The following PRSS23 variants were observed in gnomAD, a reference collection of about 807,000 sequenced individuals.
PRSS23 encodes the protein serine protease 23, also known as protease, serine 23.
PRSS23 carries 25 observed loss-of-function variants against 34.7 expected under a neutral mutation model. That is an observed-to-expected ratio of 0.72 (90% CI 0.53 to 1.01). The LOEUF (loss-of-function observed/expected upper bound fraction) is 1.01, where lower values mean the gene tolerates loss of function less well. Among genes scored for constraint, PRSS23 ranks in the 50% least tolerant of loss-of-function variants. PRSS23 has a pLI of 0.00. For synonymous variants in PRSS23, 176 were observed against 186.6 expected (o/e 0.94, Z 0.46); for missense variants, 445 against 475.6 (o/e 0.94, Z 0.60).
At chr11:86,933,148 C>G (rs1180938464) in intron 2 of PRSS23, 1 of 152,294 alleles carries the variant, frequency 6.6e-6, no homozygotes, top group Non-Finnish European at 1.5e-5. Context: ...CTGGCGGGCA[C>G]GCTGACCAAA....
intron 2 of PRSS23, among the ~76,000 whole-genome samples, chr11:86,847,386 C>G (rs561280566): frequency 2.0e-4 from 31 of 152,192 alleles, no homozygotes; most frequent in Non-Finnish European, 7.3e-5. Flanking sequence ...TCCAACAGTC[C>G]TTGTGCCCCA....
intron 2 of PRSS23, among the ~76,000 whole-genome samples, chr11:86,885,010 A>C (rs1220470088): frequency 6.6e-6 from 1 of 152,202 alleles, no homozygotes; most frequent in Non-Finnish European, 1.5e-5. Context: ...CAATTATTTT[A>C]TTATATTGTG....
At chr11:86,797,958 TA>T (rs1947992133), upstream of PRSS23, among the ~76,000 whole-genome samples, 9 of 152,348 alleles carry the variant, frequency 5.9e-5, no homozygotes, top group South Asian at 1.9e-3. Flanking sequence ...AGGCCACTCT[TA>T]ATTATGTTGC....
chr11:86,844,971 C>A (rs1239461429), intron 2 of PRSS23, among the ~76,000 whole-genome samples: 1 of 151,992 alleles, frequency 6.6e-6, no homozygotes, highest in Non-Finnish European at 1.5e-5. Flanking sequence ...TACCTGTTAC[C>A]CTAGCTACTC....
chr11:86,831,056 G>C (rs1310033033), intron 2 of PRSS23, among the ~76,000 whole-genome samples: 1 of 151,974 alleles, frequency 6.6e-6, no homozygotes, highest in African/African-American at 2.4e-5. Flanking sequence ...TAATGTCAAC[G>C]GGGTTTACAA....
chr11:86,818,473 A>T (rs1328473678), intron 1 of PRSS23, among the ~76,000 whole-genome samples: 2 of 152,222 alleles, frequency 1.3e-5, no homozygotes, highest in African/African-American at 4.8e-5. Context: ...CCATTTAGAA[A>T]GACCTTTCCT....
intron 2 of PRSS23, among the ~76,000 whole-genome samples, chr11:86,881,669 G>A (rs1948772907): frequency 6.6e-6 from 1 of 152,192 alleles, no homozygotes; most frequent in East Asian, 1.9e-4. Flanking sequence ...TGAAAAATTG[G>A]TGTTAATTCT....
At chr11:86,880,721 C>T (rs11601476) in intron 2 of PRSS23, among the ~76,000 whole-genome samples, 7,969 of 152,234 alleles carry the variant, frequency 0.052, 254 homozygotes, top group Non-Finnish European at 0.076. Context: ...GTTCAACTCC[C>T]ACTTATGAGT....
chr11:86,945,498 G>C (rs1349015714), intron 2 of PRSS23, among the ~76,000 whole-genome samples: 5 of 152,162 alleles, frequency 3.3e-5, no homozygotes, highest in South Asian at 2.1e-4. Flanking sequence ...GACTGTGGGG[G>C]TTTGCTGACG....
At position 86,901,106 on chromosome 11, in the gene PRSS23, G is replaced by GTCT. The variant is rs146393504; in HGVS notation, c.207-50107_207-50105dup. ...GGCTTATCATCTCTTTCTTAAAGAG[G>GTCT]TCTTCCCTGTCTCCCAATCCAAATT... is the stretch of plus-strand genomic sequence containing the variant. On this transcript the variant is annotated intron_variant, in intron 2 of 2. Transcript: ENST00000533902. Among the ~76,000 whole-genome samples, 1,032 of 151,972 alleles carry GTCT rather than the reference G, an allele frequency of 6.8e-3. 13 individuals are homozygous for GTCT. The highest frequency in any genetic ancestry group is 0.024 in the African/African-American group (1,001 of 41,414).
At chr11:86,820,616 C>T (rs909535061) in intron 1 of PRSS23, among the ~76,000 whole-genome samples, 16 of 152,118 alleles carry the variant, frequency 1.1e-4, no homozygotes, top group Non-Finnish European at 1.9e-4. Context: ...TAGATATACA[C>T]ATAATTATAT....
intron 2 of PRSS23, among the ~76,000 whole-genome samples, chr11:86,941,932 C>T (rs1405212467): frequency 6.6e-6 from 1 of 152,188 alleles, no homozygotes; most frequent in Non-Finnish European, 1.5e-5. Context: ...CCCCTCCTTC[C>T]TTACTCCATT....
chr11:86,799,755 C>G (rs1019905658), upstream of PRSS23, among the ~76,000 whole-genome samples: 1 of 151,860 alleles, frequency 6.6e-6, no homozygotes, highest in Admixed American at 6.6e-5. Context: ...GGGAAGTAGG[C>G]CCACTGGACA....
At chr11:86,862,304 A>C (rs951190774) in intron 2 of PRSS23, among the ~76,000 whole-genome samples, 3 of 151,906 alleles carry the variant, frequency 2.0e-5, no homozygotes, top group Non-Finnish European at 2.9e-5. Flanking sequence ...GCGGGTGTAC[A>C]TCCTGTGATA....
chr11:86,808,379 G>A lies in PRSS23; in HGVS notation c.736G>A (p.Asp246Asn), dbSNP rs1948133652. The A allele has an allele frequency of 6.2e-7, 1 of 1,614,088 alleles. No homozygotes were observed. The highest frequency in any genetic ancestry group is 8.5e-7 in the Non-Finnish European group (1 of 1,180,058). ...GNANDIGMDY[D>N]YALLELKKPH... ...TGCCAATGACATCGGCATGGATTAT[G>A]ATTATGCCCTCCTGGAACTCAAAAA... Residue 246 changes from aspartate to asparagine, a missense_variant, in exon 2 of 2, where the codon GAT (aspartate) becomes AAT (asparagine). Physicochemically the swap from Asp to Asn is conservative, Grantham distance 23. Coordinates refer to ENST00000280258, the MANE Select transcript of PRSS23 (RefSeq NM_007173.6).
At chr11:86,904,996 C>A (rs1203347800) in intron 2 of PRSS23, among the ~76,000 whole-genome samples, 1 of 152,106 alleles carries the variant, frequency 6.6e-6, no homozygotes, top group African/African-American at 2.4e-5. Context: ...TTAGAGGCTG[C>A]AGTGAGCTAT....
chr11:86,803,481 G>T (rs1012028400), intron 1 of PRSS23, among the ~76,000 whole-genome samples: 2 of 152,170 alleles, frequency 1.3e-5, no homozygotes, highest in African/African-American at 4.8e-5. Context: ...ATAATTATTT[G>T]TCTTCTAAGG....
At chr11:86,822,936 G>C (rs1565355836) in intron 1 of PRSS23, among the ~76,000 whole-genome samples, 2 of 152,142 alleles carry the variant, frequency 1.3e-5, no homozygotes, top group East Asian at 1.9e-4. Context: ...CCAGAACCAG[G>C]GCTACAACTC....
chr11:86,868,794 C>G (rs922283007), intron 2 of PRSS23, among the ~76,000 whole-genome samples: 3 of 152,092 alleles, frequency 2.0e-5, no homozygotes, highest in African/African-American at 2.4e-5. Context: ...CTGTCACTTC[C>G]CAACTCAGAT....
Sources: gnomAD v4.1 joint callset for allele counts (sites outside exome capture counted in the v4.1 genomes callset) on GRCh38, gnomAD v4.1.1 for gene constraint, MANE v1.5 for transcripts, NCBI Gene and HGNC (gene_info 2026-07-23, HGNC 2026-07-21) for gene names.